The following FBLN1 variants were observed in gnomAD, a reference collection of about 807,000 sequenced individuals.
The protein encoded by FBLN1 is fibulin 1.
Under a neutral mutation model 89.7 loss-of-function variants are expected in FBLN1, and 34 were observed. The ratio of observed to expected loss-of-function variants is 0.38; its 90% CI spans 0.29 to 0.50. The LOEUF (loss-of-function observed/expected upper bound fraction) is 0.50. FBLN1 is among the 20% of genes least tolerant of loss of function. The probability of loss-of-function intolerance (pLI) is 0.92; values close to 1 mark genes in which losing one functional copy is unlikely to be tolerated. For missense variants in FBLN1, 777 were observed against 988.1 expected, an observed-to-expected ratio of 0.79 and a Z score of 2.86; for synonymous variants, 393 against 391.3, an observed-to-expected ratio of 1.00 and a Z score of -0.05.
At chr22:45,585,625 G>A (rs1385768266) in intron 16 of FBLN1, among the ~76,000 whole-genome samples, 1 of 152,206 alleles carries the variant, frequency 6.6e-6, no homozygotes, top group Non-Finnish European at 1.5e-5. Flanking sequence ...CACCCTGGCT[G>A]GCAGCCAAGT....
chr22:45,564,425 C>T (rs1273066569), intron 14 of FBLN1, among the ~76,000 whole-genome samples: 1 of 152,258 alleles, frequency 6.6e-6, no homozygotes, highest in Non-Finnish European at 1.5e-5. Flanking sequence ...CATGCAATTT[C>T]CAGCCTGGCC....
At chr22:45,510,006 G>A (rs2146939300) in intron 1 of FBLN1, among the ~76,000 whole-genome samples, 1 of 152,258 alleles carries the variant, frequency 6.6e-6, no homozygotes, top group Admixed American at 6.5e-5. Flanking sequence ...GAGTTTTTGA[G>A]CTTGAGCAGA....
chr22:45,542,912 C>T (rs145058997), intron 10 of FBLN1, among the ~76,000 whole-genome samples: 2 of 152,346 alleles, frequency 1.3e-5, no homozygotes, highest in African/African-American at 4.8e-5. Flanking sequence ...GCGGCAGTCC[C>T]GGCTCTCCCA....
intron 16 of FBLN1, among the ~76,000 whole-genome samples, chr22:45,584,379 G>T (rs571325101): frequency 1.3e-5 from 2 of 152,314 alleles, no homozygotes; most frequent in African/African-American, 4.8e-5. Context: ...AATTCCATCT[G>T]TGGGTGTATA....
chr22:45,509,698 G>T (rs1323664002), intron 1 of FBLN1, among the ~76,000 whole-genome samples: 4 of 152,066 alleles, frequency 2.6e-5, no homozygotes, highest in African/African-American at 9.7e-5. Context: ...TGTAATCCCA[G>T]CTACTCAGGA....
intron 1 of FBLN1, among the ~76,000 whole-genome samples, chr22:45,508,354 C>T (rs2088052692): frequency 6.7e-6 from 1 of 149,372 alleles, no homozygotes; most frequent in South Asian, 2.1e-4. Context: ...CTCTGCCTCC[C>T]AGGTTCAAGC....
intron 1 of FBLN1, among the ~76,000 whole-genome samples, chr22:45,511,189 T>C (rs1569232737): frequency 6.6e-6 from 1 of 151,566 alleles, no homozygotes; most frequent in East Asian, 1.9e-4. Flanking sequence ...AGTTTCGCTC[T>C]TGTTGCCCAG....
At chr22:45,571,277 G>A (rs1477891986) in intron 14 of FBLN1, among the ~76,000 whole-genome samples, 2 of 152,062 alleles carry the variant, frequency 1.3e-5, no homozygotes, top group Non-Finnish European at 2.9e-5. Context: ...ACATATTAAG[G>A]ACTCTCAAGA....
At position 45,580,986 on chromosome 22, in the gene FBLN1, G is replaced by T. The variant is rs1442706216; in HGVS notation, c.1972+3878G>T. Among the ~76,000 whole-genome samples, 28 of 152,220 alleles carry T rather than the reference G, an allele frequency of 1.8e-4. No individual in the cohort carries two copies. The highest frequency in any genetic ancestry group is 1.8e-3 in the Admixed American group (28 of 15,280). The stretch of plus-strand genomic sequence containing the variant: ...AAAATGAAGAATGCGTTTTCGCCCT[G>T]TGCAAAAATGCTCCATTAATGCCCG... On this transcript the variant is annotated intron_variant, in intron 16 of 16. Coordinates refer to ENST00000327858, the MANE Select transcript of FBLN1 (RefSeq NM_006486.3). The surrounding 1 kb of genome is among the most constrained non-coding windows in gnomAD (Gnocchi z 8.6).
At chr22:45,529,437 C>T (rs1318008189) in intron 4 of FBLN1, among the ~76,000 whole-genome samples, 2 of 152,354 alleles carry the variant, frequency 1.3e-5, no homozygotes, top group Admixed American at 1.3e-4. Flanking sequence ...GCCTCTTACA[C>T]TTAGGCCACG....
chr22:45,595,496 C>T (rs1357513392), intron 16 of FBLN1, among the ~76,000 whole-genome samples: 4 of 152,196 alleles, frequency 2.6e-5, no homozygotes, highest in African/African-American at 9.6e-5. Flanking sequence ...CTTCACAGCA[C>T]CCTTTTCCCT....
intron 14 of FBLN1, chr22:45,565,528 C>G (rs1366481738): frequency 7.1e-6 from 2 of 283,302 alleles, no homozygotes; most frequent in Non-Finnish European, 1.4e-5. Context: ...CCCCAGGTGC[C>G]TCCATCAGAG....
chr22:45,506,212 A>G (rs1201198697), intron 1 of FBLN1, among the ~76,000 whole-genome samples: 3 of 152,220 alleles, frequency 2.0e-5, no homozygotes, highest in Admixed American at 1.3e-4. Flanking sequence ...GCGCGGGAAG[A>G]GCGCAATTCT....
chr22:45,549,116 G>A lies in FBLN1; in HGVS notation c.1573+372G>A, dbSNP rs901781065. Among the ~76,000 whole-genome samples, 3 of 152,226 alleles carry A rather than the reference G, an allele frequency of 2.0e-5. No homozygotes were observed. Among genetic ancestry groups the A allele is most frequent in the African/African-American group, 4.8e-5 (2 of 41,460 alleles). ...AGGCCAGGGGATGGCGTGGCCTGGT[G>A]TGGGATGGCCCAGGGATACTCATGG... On this transcript the variant is annotated intron_variant, in intron 13 of 16. Transcript: ENST00000327858. The surrounding 1 kb of genome is among the most constrained non-coding windows in gnomAD (Gnocchi z 5.7).
intron 1 of FBLN1, among the ~76,000 whole-genome samples, chr22:45,514,799 G>A (rs2088148015): frequency 6.6e-6 from 1 of 152,198 alleles, no homozygotes; most frequent in Non-Finnish European, 1.5e-5. Context: ...TGGCCCCGAA[G>A]GAGGTTTTAA....
chr22:45,596,164 C>T (rs1412668287), intron 16 of FBLN1, among the ~76,000 whole-genome samples: 3 of 152,228 alleles, frequency 2.0e-5, no homozygotes, highest in South Asian at 2.1e-4. Context: ...CCACTACGCC[C>T]GGCCAAAGGT....
At chr22:45,565,031 C>A in intron 14 of FBLN1, 1 of 1,611,928 alleles carries the variant, frequency 6.2e-7, no homozygotes, top group East Asian at 2.2e-5. Context: ...AGCTCCACAC[C>A]TTGCGCTGAG....
At chr22:45,552,338 C>T (rs538054026) in intron 14 of FBLN1, among the ~76,000 whole-genome samples, 10 of 152,250 alleles carry the variant, frequency 6.6e-5, no homozygotes, top group Admixed American at 6.5e-4. Context: ...GGGAGTTCAG[C>T]CTGAAACCTG....
intron 8 of FBLN1, among the ~76,000 whole-genome samples, chr22:45,540,894 C>CA (rs1367381754): frequency 6.6e-6 from 1 of 152,228 alleles, no homozygotes; most frequent in African/African-American, 2.4e-5. Context: ...CGTGGACAGT[C>CA]ACCTGTCTCC....
Sources: gnomAD v4.1 joint callset for allele counts (sites outside exome capture counted in the v4.1 genomes callset) on GRCh38, gnomAD v4.1.1 for gene constraint, Gnocchi (gnomAD v3.1) non-coding constraint, MANE v1.5 for transcripts, NCBI Gene and HGNC (gene_info 2026-07-23, HGNC 2026-07-21) for gene names.